MTCL3: variants seen among roughly 807,000 people sequenced by gnomAD.
MTCL3 encodes MTCL family member 3.
At chr6:127,495,370 G>C in the MTCL3 span, among the ~76,000 whole-genome samples, 23 of 151,986 alleles carry the variant, frequency 1.5e-4, no homozygotes, top group African/African-American at 5.1e-4. Context: ...ATTATGTCTG[G>C]GTGGTGACCA....
At chr6:127,517,130 C>A in the MTCL3 span, among the ~76,000 whole-genome samples, 1 of 152,140 alleles carries the variant, frequency 6.6e-6, no homozygotes, top group Non-Finnish European at 1.5e-5. Flanking sequence ...ATATGTAAAG[C>A]CTAGTTTACT....
chr6:127,505,730 G>T, the MTCL3 span, among the ~76,000 whole-genome samples: 4 of 152,094 alleles, frequency 2.6e-5, no homozygotes, highest in Non-Finnish European at 5.9e-5. Context: ...TAAAAAATGT[G>T]TATCTGGAAA....
chr6:127,517,834 T>C, the MTCL3 span: 3 of 152,350 alleles, frequency 2.0e-5, no homozygotes, highest in African/African-American at 7.2e-5. Flanking sequence ...AGTCAATTAG[T>C]TGCCTTTTCC....
At chr6:127,516,228 G>A in the MTCL3 span, 3 of 1,433,008 alleles carry the variant, frequency 2.1e-6, no homozygotes, top group African/African-American at 2.9e-5. Context: ...CCAGGGTCGC[G>A]GCGGGGGCCG....
At chr6:127,514,931 G>A in the MTCL3 span, 1 of 1,614,172 alleles carries the variant, frequency 6.2e-7, no homozygotes, top group Non-Finnish European at 8.5e-7. Flanking sequence ...GCAGGATCCG[G>A]CAGTTTTTGT....
the MTCL3 span, chr6:127,483,076 C>A: frequency 4.0e-6 from 4 of 990,854 alleles, no homozygotes; most frequent in Non-Finnish European, 2.9e-6. Flanking sequence ...ACGACAAAAC[C>A]AAGACAAATA....
the MTCL3 span, among the ~76,000 whole-genome samples, chr6:127,508,460 CA>C: frequency 1.3e-5 from 2 of 152,028 alleles, no homozygotes; most frequent in East Asian, 3.9e-4. Context: ...AATGAAAGTT[CA>C]TTGTAATAGA....
At chr6:127,473,627 A>G in the MTCL3 span, among the ~76,000 whole-genome samples, 1 of 152,212 alleles carries the variant, frequency 6.6e-6, no homozygotes, top group Non-Finnish European at 1.5e-5. Flanking sequence ...AACAAGTTTT[A>G]TCATAAAACG....
the MTCL3 span, among the ~76,000 whole-genome samples, chr6:127,510,478 G>A: frequency 6.6e-6 from 1 of 152,144 alleles, no homozygotes; most frequent in Non-Finnish European, 1.5e-5. Context: ...GATGGGAGAG[G>A]TCCCATTGTT....
At chr6:127,514,324 C>T in the MTCL3 span, among the ~76,000 whole-genome samples, 58 of 152,278 alleles carry the variant, frequency 3.8e-4, no homozygotes, top group African/African-American at 1.4e-3. Flanking sequence ...AGGAAGAAGT[C>T]CTGGAAGAAG....
At chr6:127,514,896 C>T in the MTCL3 span, 2 of 1,614,124 alleles carry the variant, frequency 1.2e-6, no homozygotes, top group Non-Finnish European at 1.7e-6. Context: ...GAGCCTTTTG[C>T]GCTCGGCTTT....
At chr6:127,517,029 G>C in the MTCL3 span, among the ~76,000 whole-genome samples, 1 of 152,162 alleles carries the variant, frequency 6.6e-6, no homozygotes, top group Non-Finnish European at 1.5e-5. Context: ...AGAGGATAAA[G>C]TGGAAAAGAA....
chr6:127,483,042 T>C, the MTCL3 span: 1 of 1,407,726 alleles, frequency 7.1e-7, no homozygotes, highest in South Asian at 1.3e-5. Flanking sequence ...TTCAATTTTA[T>C]GTTTTTAAGT....
At chr6:127,475,200 G>C in the MTCL3 span, 1 of 1,372,268 alleles carries the variant, frequency 7.3e-7, no homozygotes, top group Non-Finnish European at 9.8e-7. This position sits in a 1 kb window ranked among gnomAD's most constrained non-coding sequence, Gnocchi z 7.3. Flanking sequence ...CTCAAGCGGG[G>C]CGCGGCAGTC....
the MTCL3 span, among the ~76,000 whole-genome samples, chr6:127,489,231 A>T: frequency 6.6e-6 from 1 of 152,146 alleles, no homozygotes; most frequent in Non-Finnish European, 1.5e-5. Context: ...AACTTCACTG[A>T]TATAAATTGG....
At chr6:127,497,250 T>C in the MTCL3 span, among the ~76,000 whole-genome samples, 1 of 152,188 alleles carries the variant, frequency 6.6e-6, no homozygotes, top group South Asian at 2.1e-4. Flanking sequence ...CCAATCATAT[T>C]TTCCCCAGTA....
the MTCL3 span, among the ~76,000 whole-genome samples, chr6:127,514,517 G>A: frequency 6.6e-6 from 1 of 152,242 alleles, no homozygotes; most frequent in Non-Finnish European, 1.5e-5. Context: ...CCTGCGCTCT[G>A]CCACGCCCTT....
At chr6:127,511,237 A>G in the MTCL3 span, among the ~76,000 whole-genome samples, 1 of 152,080 alleles carries the variant, frequency 6.6e-6, no homozygotes, top group Non-Finnish European at 1.5e-5. Context: ...TAGACTGCAG[A>G]ACTGTGAGAT....
chr6:127,515,654 T>C, the MTCL3 span: 1 of 1,475,216 alleles, frequency 6.8e-7, no homozygotes, highest in East Asian at 2.6e-5. The surrounding 1 kb of genome is among the most constrained non-coding windows in gnomAD (Gnocchi z 4.3). Context: ...CCCTCTGCGC[T>C]CTGCTGGGGG....
Sources: allele counts gnomAD v4.1 joint callset (sites outside exome capture counted in the v4.1 genomes callset), GRCh38; gene constraint gnomAD v4.1.1; non-coding constraint Gnocchi (gnomAD v3.1); transcripts MANE v1.5; gene names NCBI Gene and HGNC (gene_info 2026-07-23, HGNC 2026-07-21).